MMP2: variants seen among roughly 807,000 people sequenced by gnomAD.
The protein encoded by MMP2 is 72 kDa type IV collagenase.
A neutral mutation model predicts 74.8 loss-of-function variants in MMP2; 39 were observed. The observed-to-expected ratio is 0.52, with a 90% CI of 0.40 to 0.68. The LOEUF (loss-of-function observed/expected upper bound fraction) is 0.68. MMP2 is among the 30% of genes least tolerant of loss of function. The pLI is 0.00. For missense variants in MMP2, 803 were observed against 878.3 expected (o/e 0.91, Z 1.08); for synonymous variants, 367 against 339.8 (o/e 1.08, Z -0.88).
intron 5 of MMP2, chr16:55,487,436 G>A (rs1567375572): frequency 6.6e-6 from 1 of 152,296 alleles, no homozygotes; most frequent in Non-Finnish European, 1.5e-5. Flanking sequence ...AGGCCACTAA[G>A]GTATCTGGAC....
At chr16:55,485,553 C>G (rs751797452) in intron 4 of MMP2, 51 bp from the exon 5 acceptor site, 1 of 1,612,840 alleles carries the variant, frequency 6.2e-7, no homozygotes, top group East Asian at 2.2e-5. Context: ...ATCTTGGTCT[C>G]CAAAGAAGGC....
intron 1 of MMP2, among the ~76,000 whole-genome samples, chr16:55,482,701 C>G (rs1258214840): frequency 1.3e-5 from 2 of 152,302 alleles, no homozygotes; most frequent in Admixed American, 6.5e-5. Flanking sequence ...TAGCCATGCT[C>G]TCTATAGCTG....
At chr16:55,480,108 G>T (rs528525730) in intron 1 of MMP2, 1 of 159,732 alleles carries the variant, frequency 6.3e-6, no homozygotes, top group African/African-American at 2.4e-5. Context: ...GTAGGACTTT[G>T]GGAACGGTGC....
intron 11 of MMP2, among the ~76,000 whole-genome samples, chr16:55,500,919 C>G (rs1028262491): frequency 2.0e-5 from 3 of 152,242 alleles, no homozygotes; most frequent in Non-Finnish European, 4.4e-5. Flanking sequence ...GAAGCTTTCA[C>G]TAAGCCACAA....
intron 2 of MMP2, among the ~76,000 whole-genome samples, 156 bp downstream of exon 2, chr16:55,483,291 G>T (rs1391475109): frequency 1.3e-5 from 2 of 152,206 alleles, no homozygotes; most frequent in Non-Finnish European, 2.9e-5. Flanking sequence ...AGAAAATGAA[G>T]TCAGACAGAC....
intron 7 of MMP2, among the ~76,000 whole-genome samples, chr16:55,490,564 A>G (rs2192852): frequency 0.4 from 60,966 of 151,978 alleles, 12,159 homozygotes; most frequent in Admixed American, 0.46. Flanking sequence ...TAGGCTACAG[A>G]GCCCAGGGTT....
rs1391586525 is a variant in MMP2, at chr16:55,479,304, TG to T, written c.-172del. ...CGGCGGCGGCGGCGGCGGCGGGGGC[TG>T]GGGCGCGGGGGCCGGACCATGAGCC... On this transcript the variant is annotated 5_prime_UTR_variant, in exon 1 of 13. Transcript: ENST00000219070. 2 of 646,656 alleles carry T rather than the reference TG, an allele frequency of 3.1e-6. No individual in the cohort carries two copies. The highest frequency in any genetic ancestry group is 4.6e-5 in the Admixed American group (1 of 21,558). 40.1% of individuals were successfully genotyped at this position (646,656 alleles called of 1,614,324 possible).
rs1204717936 is a variant in MMP2 at position 55,482,803 on chromosome 16, C to G, written c.154-106C>G. 3 of 971,950 alleles carry G rather than the reference C, an allele frequency of 3.1e-6. No homozygotes were observed. The African/African-American group carries it at 4.8e-5, about 16-fold the overall frequency. 60.2% of individuals were successfully genotyped at this position (971,950 alleles called of 1,614,324 possible). On this transcript the variant is annotated intron_variant, in intron 1 of 12. Coordinates refer to ENST00000219070, the MANE Select transcript of MMP2 (RefSeq NM_004530.6). ...CTGGGACCCCTGGCTTATTTCCTGT[C>G]TGGACTATGGCACTGGGTTGGGGGG... is the stretch of plus-strand genomic sequence containing the variant.
At chr16:55,488,437 A>G (rs1304854698) in intron 5 of MMP2, 106 bp from the exon 6 acceptor site, 2 of 1,085,376 alleles carry the variant, frequency 1.8e-6, no homozygotes, top group South Asian at 2.7e-5. Context: ...ATATTTTAAC[A>G]ATGCATCAAC....
At chr16:55,502,728 A>G (rs777397476) in intron 11 of MMP2, 51 bp from the exon 12 acceptor site, 7 of 1,517,364 alleles carry the variant, frequency 4.6e-6, no homozygotes, top group African/African-American at 2.7e-5. Context: ...GCCAGGGGGG[A>G]AGTGTCCTTT....
rs2142344293 is a variant in MMP2 at position 55,482,949 on chromosome 16, G to A, written c.194G>A (p.Cys65Tyr). 6.2e-7 allele frequency: 1 copy of A among 1,614,236 alleles called. No individual in the cohort carries two copies. The highest frequency in any genetic ancestry group is 2.2e-5 in the East Asian group (1 of 44,888). ...TTCTATGGCTGCCCCAAGGAGAGCT[G>A]CAACCTGTTTGTGCTGAAGGACACA... is the stretch of plus-strand genomic sequence containing the variant. ...NTFYGCPKES[C>Y]NLFVLKDTLK... The change falls in exon 2 of 13, where the codon TGC (cysteine) becomes TAC (tyrosine). Residue 65 changes from cysteine to tyrosine, a missense_variant. By Grantham distance (194) the Cys-to-Tyr change is radical. This residue lies in a region of MMP2 where 223 missense variants were observed against 232.8 expected (regional missense o/e 0.96). Transcript: ENST00000219070.
chr16:55,488,511 T>G (rs1962313996), intron 5 of MMP2, 32 bp from the exon 6 acceptor site: 1 of 1,606,114 alleles, frequency 6.2e-7, no homozygotes, highest in African/African-American at 1.3e-5. Flanking sequence ...GCATGTCTCA[T>G]TCACATCCTT....
chr16:55,483,121 C>T lies in MMP2; in HGVS notation c.366C>T (p.Asn122=), dbSNP rs1962151023. The T allele has an allele frequency of 2.5e-6, 4 of 1,613,964 alleles. No homozygotes were observed. Among genetic ancestry groups the T allele is most frequent in the East Asian group, 4.5e-5 (2 of 44,876 alleles). ...CTCGCAAGCCCAAGTGGGACAAGAACCAGATCACATACAGGTGCCGGGGCA... is the reference window on the plus strand; with the variant it reads ...CTCGCAAGCCCAAGTGGGACAAGAATCAGATCACATACAGGTGCCGGGGCA... ...FFPRKPKWDK[N]QITYRIIGYT... Residue 122 remains asparagine (N), a synonymous_variant, in exon 2 of 13, where the codon AAC becomes AAT. Coordinates refer to ENST00000219070, the MANE Select transcript of MMP2 (RefSeq NM_004530.6).
In MMP2 at chr16:55,498,412, A is replaced by C; in HGVS notation, c.1733A>C (p.Lys578Thr). The C allele has an allele frequency of 6.2e-7, 1 of 1,614,238 alleles. No homozygotes were observed. Among genetic ancestry groups the C allele is most frequent in the Non-Finnish European group, 8.5e-7 (1 of 1,180,044 alleles). The change falls in exon 11 of 13, where the codon AAG becomes ACG. Residue 578 changes from lysine (K) to threonine (T), a missense_variant. Transcript: ENST00000219070. ...VDAAFNWSKN[K>T]KTYIFAGDKF... ...GCCGCCTTTAACTGGAGCAAAAACAAGAAGACATACATCTTTGCTGGAGAC... is the reference window on the plus strand; with the variant it reads ...GCCGCCTTTAACTGGAGCAAAAACACGAAGACATACATCTTTGCTGGAGAC...
intron 11 of MMP2, among the ~76,000 whole-genome samples, chr16:55,501,750 C>T (rs1441131749): frequency 6.6e-6 from 1 of 152,034 alleles, no homozygotes; most frequent in Non-Finnish European, 1.5e-5. Flanking sequence ...TCAAGGCTGG[C>T]TGCAGAAAGG....
intron 12 of MMP2, among the ~76,000 whole-genome samples, chr16:55,504,744 C>T (rs1203775128): frequency 6.6e-6 from 1 of 151,294 alleles, no homozygotes; most frequent in African/African-American, 2.4e-5. Flanking sequence ...GCTCCGCCTA[C>T]TGGGTTCACA....
chr16:55,481,785 G>C, intron 1 of MMP2: 1 of 720,794 alleles, frequency 1.4e-6, no homozygotes, highest in South Asian at 1.5e-5. Flanking sequence ...ATGATGTTAG[G>C]CAAGTGACTT....
intron 5 of MMP2, among the ~76,000 whole-genome samples, chr16:55,486,350 T>TGTGC (rs1567375082): frequency 1.0e-3 from 56 of 55,088 alleles, no homozygotes; most frequent in African/African-American, 3.4e-3. Flanking sequence ...TGTGTGCCTG[T>TGTGC]GTGTGTGTGT....
In MMP2 at chr16:55,506,489, G is replaced by T. The variant is rs185917725; in HGVS notation, c.*1047G>T. ...TTATTGTGGCATCTGTTCGAGGTTT[G>T]CTTCCTCTTTAAGTCTGTTTCTTCA... On this transcript the variant is annotated 3_prime_UTR_variant, in exon 13 of 13. Coordinates refer to ENST00000219070, the MANE Select transcript of MMP2 (RefSeq NM_004530.6). The T allele has an allele frequency of 6.6e-6, 1 of 152,206 alleles. No individual in the cohort carries two copies. Among genetic ancestry groups the T allele is most frequent in the African/African-American group, 2.4e-5 (1 of 41,434 alleles). 9.4% of individuals were successfully genotyped at this position (152,206 alleles called of 1,614,324 possible). A position where few individuals can be genotyped will look rare whatever the true frequency, so the allele number is the denominator to read the frequency against.
Sources: gnomAD v4.1 joint callset for allele counts (sites outside exome capture counted in the v4.1 genomes callset) on GRCh38, gnomAD v4.1.1 for gene constraint, gnomAD v4.1.1 regional missense constraint, MANE v1.5 for transcripts, NCBI Gene and HGNC (gene_info 2026-07-23, HGNC 2026-07-21) for gene names.